DLGAP2: variants seen among roughly 807,000 people sequenced by gnomAD.
DLGAP2 encodes the protein DLG associated protein 2.
In DLGAP2, 26 loss-of-function variants were observed where a neutral mutation model predicts 100.3. The observed-to-expected ratio is 0.26, with a 90% CI of 0.19 to 0.36. The LOEUF is 0.36. Among genes scored for constraint, DLGAP2 ranks in the 10% least tolerant of loss-of-function variants. The pLI is 1.00. For synonymous variants in DLGAP2, 886 were observed against 630.1 expected (o/e 1.41, Z -6.08); for missense variants, 1,858 against 1,453.2 (o/e 1.28, Z -4.53).
At chr8:1,256,532 C>T (rs1799223310) in intron 2 of DLGAP2, among the ~76,000 whole-genome samples, 1 of 148,218 alleles carries the variant, frequency 6.7e-6, no homozygotes, top group Non-Finnish European at 1.5e-5. Flanking sequence ...CCCGTCTCAT[C>T]CTGCCCAGGC....
intron 3 of DLGAP2, among the ~76,000 whole-genome samples, chr8:1,465,565 G>A (rs145215478): frequency 2.0e-5 from 3 of 152,304 alleles, no homozygotes; most frequent in Admixed American, 1.3e-4. Flanking sequence ...GAGTTTCTGT[G>A]CCTCCCAGGG....
chr8:1,212,116 A>G (rs972288597), intron 2 of DLGAP2, among the ~76,000 whole-genome samples: 5 of 152,214 alleles, frequency 3.3e-5, no homozygotes, highest in African/African-American at 4.8e-5. Flanking sequence ...TGACTCAGAG[A>G]ATATCGAATG....
intron 1 of DLGAP2, among the ~76,000 whole-genome samples, chr8:740,739 T>A (rs1263198035): frequency 6.6e-6 from 1 of 152,182 alleles, no homozygotes; most frequent in African/African-American, 2.4e-5. Context: ...ATGCTATAAT[T>A]TTTTTATTAT....
intron 1 of DLGAP2, among the ~76,000 whole-genome samples, chr8:744,275 G>A (rs184942612): frequency 2.0e-5 from 3 of 152,198 alleles, no homozygotes; most frequent in African/African-American, 4.8e-5. Flanking sequence ...TGCTCTGACT[G>A]TTAGGGTGAC....
intron 2 of DLGAP2, among the ~76,000 whole-genome samples, chr8:1,026,789 T>G (rs1801812949): frequency 6.6e-6 from 1 of 152,236 alleles, no homozygotes; most frequent in Non-Finnish European, 1.5e-5. Context: ...TATTCTATGC[T>G]TTAGGTAAAA....
At chr8:980,708 C>T (rs1478873982) in intron 2 of DLGAP2, among the ~76,000 whole-genome samples, 1 of 152,120 alleles carries the variant, frequency 6.6e-6, no homozygotes, top group Admixed American at 6.5e-5. Context: ...AGGAAGGAAG[C>T]TGGGTTCCGG....
rs565087538 is a variant in DLGAP2 at position 903,646 on chromosome 8, A to G, written c.19-4266A>G. Among the ~76,000 whole-genome samples, 156 of 152,162 alleles carry G rather than the reference A, an allele frequency of 1.0e-3. 2 individuals carry two copies. Among genetic ancestry groups the G allele is most frequent in the African/African-American group, 3.7e-3 (154 of 41,496 alleles). On this transcript the variant is annotated intron_variant, in intron 1 of 14. Transcript: ENST00000637795. ...ATGGGGCCACTGAGACCAAGAGCTT[A>G]GTGACTTGGTGAATGGCACGGCCAT... is the stretch of plus-strand genomic sequence containing the variant.
intron 2 of DLGAP2, among the ~76,000 whole-genome samples, chr8:1,160,347 C>A (rs1796866271): frequency 6.6e-6 from 1 of 152,150 alleles, no homozygotes; most frequent in African/African-American, 2.4e-5. Context: ...TGAGGATCAG[C>A]CCCGCCCCAA....
chr8:1,526,133 C>T (rs1329753005), intron 4 of DLGAP2, among the ~76,000 whole-genome samples: 7 of 150,894 alleles, frequency 4.6e-5, no homozygotes, highest in African/African-American at 1.5e-4. Context: ...ATGCTGTGAG[C>T]GCTTCTCAGT....
intron 1 of DLGAP2, among the ~76,000 whole-genome samples, chr8:871,763 G>T (rs1203244379): frequency 6.6e-6 from 1 of 152,130 alleles, no homozygotes; most frequent in Non-Finnish European, 1.5e-5. Flanking sequence ...GGGACACTCA[G>T]CCTGAGCTGG....
chr8:1,306,052 A>G (rs1381153034), intron 3 of DLGAP2, among the ~76,000 whole-genome samples: 2 of 147,620 alleles, frequency 1.4e-5, no homozygotes, highest in African/African-American at 5.1e-5. Context: ...TAGTAGTAGA[A>G]GTCCTAGACA....
chr8:1,563,085 G>A lies in DLGAP2; in HGVS notation c.1231-2598G>A, dbSNP rs180704758. Among the ~76,000 whole-genome samples, 324 of 40,214 alleles carry A rather than the reference G, an allele frequency of 8.1e-3. 25 individuals carry two copies. Among genetic ancestry groups the A allele is most frequent in the South Asian group, 0.011 (6 of 552 alleles). The allele number at this position is 40,214 out of a possible 152,430, so 26.4% of individuals were successfully genotyped here. On this transcript the variant is annotated intron_variant, in intron 5 of 14. Coordinates refer to ENST00000637795, the MANE Select transcript of DLGAP2 (RefSeq NM_001346810.2). ...GTGTGGTGTTGGGTGTCCGCGCCTC[G>A]TTGCTGGGGGACTGTGTGGTGTTGG...
chr8:1,449,167 T>C (rs763041657), intron 3 of DLGAP2, among the ~76,000 whole-genome samples: 21 of 152,210 alleles, frequency 1.4e-4, no homozygotes, highest in Admixed American at 6.5e-4. Context: ...AAGTCACTTA[T>C]ATGATCACGC....
intron 2 of DLGAP2, among the ~76,000 whole-genome samples, chr8:1,094,181 G>A (rs1024936726): frequency 6.6e-6 from 1 of 152,236 alleles, no homozygotes; most frequent in Non-Finnish European, 1.5e-5. Context: ...AGAGCCCTGG[G>A]AGAGGCAGGG....
chr8:1,174,387 CCAT>C (rs1326311753), intron 2 of DLGAP2, among the ~76,000 whole-genome samples: 3 of 151,514 alleles, frequency 2.0e-5, no homozygotes, highest in African/African-American at 4.9e-5. Context: ...ACCATTACCA[CCAT>C]CATCATTACC....
chr8:1,273,465 C>T (rs1046487408), intron 3 of DLGAP2, among the ~76,000 whole-genome samples: 8 of 152,188 alleles, frequency 5.3e-5, no homozygotes, highest in Non-Finnish European at 5.9e-5. Flanking sequence ...CTTAACTTGA[C>T]GAGTTTTATG....
At chr8:1,100,493 G>A (rs138368545) in intron 2 of DLGAP2, among the ~76,000 whole-genome samples, 1 of 149,704 alleles carries the variant, frequency 6.7e-6, no homozygotes, top group East Asian at 2.0e-4. Context: ...GGAAAAACAT[G>A]TATTAGAGTT....
intron 2 of DLGAP2, among the ~76,000 whole-genome samples, chr8:1,139,131 C>T (rs1017373934): frequency 9.2e-5 from 14 of 152,280 alleles, no homozygotes; most frequent in African/African-American, 1.9e-4. Context: ...TGCTGCCGGC[C>T]GCTGCGGCCT....
At chr8:1,398,334 A>G (rs528080374) in intron 3 of DLGAP2, among the ~76,000 whole-genome samples, 3 of 2,692 alleles carry the variant, frequency 1.1e-3, no homozygotes, top group Non-Finnish European at 1.5e-3. Context: ...CCACCTCCTC[A>G]TCCTCCGGAG....
Sources: allele counts gnomAD v4.1 joint callset (sites outside exome capture counted in the v4.1 genomes callset), GRCh38; gene constraint gnomAD v4.1.1; transcripts MANE v1.5; gene names NCBI Gene and HGNC (gene_info 2026-07-23, HGNC 2026-07-21).